Variants in ENPP3 observed in about 807,000 individuals in gnomAD.
The protein encoded by ENPP3 is ectonucleotide pyrophosphatase/phosphodiesterase 3.
Under a neutral mutation model 117.8 loss-of-function variants are expected in ENPP3, and 104 were observed. The observed-to-expected ratio is 0.88, with a 90% confidence interval of 0.75 to 1.04. ENPP3 has a LOEUF of 1.04. Among genes scored for constraint, ENPP3 ranks in the 50% least tolerant of loss-of-function variants. The probability of loss-of-function intolerance (pLI) is 0.00; values close to 1 mark genes in which losing one functional copy is unlikely to be tolerated. For missense variants in ENPP3, 1,026 were observed against 1,051.9 expected, an observed-to-expected ratio of 0.98 and a Z score of 0.34; for synonymous variants, 380 against 349.9, an observed-to-expected ratio of 1.09 and a Z score of -0.96.
At chr6:131,715,717 A>T (rs1431985311) in intron 15 of ENPP3, among the ~76,000 whole-genome samples, 1 of 152,230 alleles carries the variant, frequency 6.6e-6, no homozygotes, top group Non-Finnish European at 1.5e-5. Flanking sequence ...ACCCTTATGC[A>T]GAGAATTTGG....
At chr6:131,679,746 A>G (rs1423596187) in intron 11 of ENPP3, among the ~76,000 whole-genome samples, 1 of 152,162 alleles carries the variant, frequency 6.6e-6, no homozygotes, top group Non-Finnish European at 1.5e-5. Flanking sequence ...AGCTGTGCAC[A>G]TAGGAGGAAC....
intron 1 of ENPP3, among the ~76,000 whole-genome samples, chr6:131,638,157 A>G (rs1284790875): frequency 6.6e-6 from 1 of 152,002 alleles, no homozygotes; most frequent in African/African-American, 2.4e-5. Flanking sequence ...TTTCTACTGT[A>G]CTGAGTCCCT....
chr6:131,652,735 C>A, intron 4 of ENPP3, 68 bp downstream of exon 4: 1 of 1,597,756 alleles, frequency 6.3e-7, no homozygotes, highest in South Asian at 1.1e-5. Flanking sequence ...TTCCTAGAGC[C>A]ATGCTAGGCT....
chr6:131,729,166 A>G (rs1780221114), intron 20 of ENPP3, among the ~76,000 whole-genome samples: 1 of 152,142 alleles, frequency 6.6e-6, no homozygotes, highest in Non-Finnish European at 1.5e-5. Context: ...TCTTGTTTCT[A>G]AAGATTATTT....
intron 15 of ENPP3, among the ~76,000 whole-genome samples, chr6:131,697,145 C>A (rs889591347): frequency 6.6e-6 from 1 of 152,172 alleles, no homozygotes. Context: ...GATGGAAGAA[C>A]TAGATTCCTG....
At chr6:131,723,802 T>TTCTCTCTCTC (rs4053085) in intron 18 of ENPP3, among the ~76,000 whole-genome samples, 5 of 137,040 alleles carry the variant, frequency 3.6e-5, no homozygotes, top group Non-Finnish European at 4.6e-5. Context: ...TTTTTGCAAA[T>TTCTCTCTCTC]TCTCTCTCTC....
chr6:131,731,468 G>T (rs1167328321), intron 20 of ENPP3, among the ~76,000 whole-genome samples: 1 of 152,188 alleles, frequency 6.6e-6, no homozygotes, highest in Non-Finnish European at 1.5e-5. Flanking sequence ...CAATGAGATT[G>T]GGGAATCTTA....
chr6:131,743,124 G>A (rs1476449461), intron 24 of ENPP3, among the ~76,000 whole-genome samples: 1 of 151,984 alleles, frequency 6.6e-6, no homozygotes, highest in East Asian at 1.9e-4. Flanking sequence ...TATGGGGAAG[G>A]GAAAGGCAAG....
chr6:131,697,132 C>T (rs1481296437), intron 15 of ENPP3, among the ~76,000 whole-genome samples: 1 of 152,158 alleles, frequency 6.6e-6, no homozygotes, highest in Non-Finnish European at 1.5e-5. Flanking sequence ...AGGCAGGTTT[C>T]CAGATGGAAG....
intron 2 of ENPP3, among the ~76,000 whole-genome samples, chr6:131,643,597 A>G (rs980072295): frequency 6.6e-6 from 1 of 151,490 alleles, no homozygotes; most frequent in Non-Finnish European, 1.5e-5. Flanking sequence ...CTAAACCCCA[A>G]CCCTGGGTCA....
chr6:131,701,318 C>T (rs759842603), intron 15 of ENPP3: 1 of 1,610,630 alleles, frequency 6.2e-7, no homozygotes, highest in Non-Finnish European at 8.5e-7. Flanking sequence ...GGGAGAAGAG[C>T]CCAAAGAGGA....
At chr6:131,718,804 G>T in intron 16 of ENPP3, 66 bp downstream of exon 16, 19 of 922,156 alleles carry the variant, frequency 2.1e-5, no homozygotes, top group Admixed American at 4.2e-5. Context: ...GAATGTGCAG[G>T]TTTGTTACAT....
chr6:131,723,096 C>A (rs559869164), intron 18 of ENPP3, among the ~76,000 whole-genome samples: 1 of 152,038 alleles, frequency 6.6e-6, no homozygotes, highest in Non-Finnish European at 1.5e-5. Flanking sequence ...ATTGGAGCCC[C>A]GTTATCAGGA....
intron 6 of ENPP3, among the ~76,000 whole-genome samples, chr6:131,668,336 C>G (rs569663251): frequency 2.0e-4 from 30 of 148,662 alleles, no homozygotes; most frequent in Middle Eastern, 3.4e-3. Context: ...TCTCGCCCCC[C>G]CCTGAGGATC....
intron 2 of ENPP3, among the ~76,000 whole-genome samples, chr6:131,647,900 A>T (rs535945697): frequency 7.9e-5 from 12 of 152,192 alleles, no homozygotes; most frequent in Admixed American, 6.5e-5. Flanking sequence ...GAAATAGCTA[A>T]GATTATCATC....
intron 6 of ENPP3, among the ~76,000 whole-genome samples, chr6:131,670,982 A>G (rs1373101872): frequency 6.6e-6 from 1 of 152,186 alleles, no homozygotes; most frequent in Non-Finnish European, 1.5e-5. Flanking sequence ...CAAAGACCAT[A>G]TAGCTTTGCA....
chr6:131,723,839 A>T (rs1222019927), intron 18 of ENPP3, among the ~76,000 whole-genome samples: 3 of 151,644 alleles, frequency 2.0e-5, no homozygotes, highest in African/African-American at 7.3e-5. Flanking sequence ...ACACACACAC[A>T]CACACACACA....
chr6:131,725,288 C>T (rs1780131204), intron 19 of ENPP3, among the ~76,000 whole-genome samples: 1 of 152,062 alleles, frequency 6.6e-6, no homozygotes, highest in South Asian at 2.1e-4. Flanking sequence ...ATGCCATAGA[C>T]TGGGTAGCTT....
intron 20 of ENPP3, among the ~76,000 whole-genome samples, chr6:131,730,877 T>G (rs1224914427): frequency 6.7e-6 from 1 of 148,900 alleles, no homozygotes; most frequent in Non-Finnish European, 1.5e-5. Flanking sequence ...ATTGTGCCAT[T>G]GCACTCCAGC....
Sources: allele counts gnomAD v4.1 joint callset (sites outside exome capture counted in the v4.1 genomes callset), GRCh38; gene constraint gnomAD v4.1.1; transcripts MANE v1.5; gene names NCBI Gene and HGNC (gene_info 2026-07-23, HGNC 2026-07-21).